PLD1: variants seen among roughly 807,000 people sequenced by gnomAD.
The protein encoded by PLD1 is phospholipase D1.
In PLD1, 112 loss-of-function variants were observed where a neutral mutation model predicts 137.1. That is an observed-to-expected ratio of 0.82 (90% CI 0.70 to 0.96). The LOEUF (loss-of-function observed/expected upper bound fraction) is 0.96. PLD1 is among the 40% of genes least tolerant of loss of function. The pLI is 0.00. For synonymous variants in PLD1, 431 were observed against 454.7 expected, an observed-to-expected ratio of 0.95 and a Z score of 0.66; for missense variants, 1,321 against 1,342.0, an observed-to-expected ratio of 0.98 and a Z score of 0.24.
chr3:171,688,975 A>G (rs1714857227), intron 13 of PLD1, 99 bp from the exon 14 acceptor site: 1 of 809,732 alleles, frequency 1.2e-6, no homozygotes, highest in Non-Finnish European at 2.1e-6. Context: ...ATTTTCTATA[A>G]TTCAAATACC....
intron 1 of PLD1, among the ~76,000 whole-genome samples, chr3:171,807,578 T>A (rs575434979): frequency 2.6e-4 from 40 of 152,098 alleles, no homozygotes; most frequent in South Asian, 6.2e-4. Context: ...AGAAAAAAAA[T>A]TTTTTAAAAA....
intron 1 of PLD1, among the ~76,000 whole-genome samples, chr3:171,790,654 G>T (rs1305673612): frequency 1.3e-5 from 2 of 152,196 alleles, no homozygotes; most frequent in African/African-American, 4.8e-5. Flanking sequence ...GCCTGCAAAG[G>T]AAGCTGGCAT....
chr3:171,750,886 A>G lies in PLD1; in HGVS notation c.-31-12804T>C, dbSNP rs76367634. Among the ~76,000 whole-genome samples, 295 of 152,310 alleles carry G rather than the reference A, an allele frequency of 1.9e-3. 1 individual carries two copies. The highest frequency in any genetic ancestry group is 6.6e-3 in the African/African-American group (274 of 41,580). ...GTAACAGAGAAATTATAATAGGTAG[A>G]TAAGACTTGCCCTATCAGGTAGATC... is the stretch of plus-strand genomic sequence containing the variant. On this transcript the variant is annotated intron_variant, in intron 1 of 26. Transcript: ENST00000351298.
intron 3 of PLD1, among the ~76,000 whole-genome samples, chr3:171,736,365 G>T (rs1443655315): frequency 3.3e-5 from 5 of 152,124 alleles, no homozygotes; most frequent in African/African-American, 1.2e-4. Flanking sequence ...AGATCACAAG[G>T]CAAAGATGAA....
intron 23 of PLD1, among the ~76,000 whole-genome samples, chr3:171,631,453 GTTTGTGTGTGTGTACA>G (rs1416350863): frequency 6.6e-6 from 1 of 152,138 alleles, no homozygotes; most frequent in Non-Finnish European, 1.5e-5. Context: ...GAGAGAATAG[GTTTGTGTGTGTGTACA>G]AAGGCCCAAA....
chr3:171,617,943 G>A (rs762024848), intron 24 of PLD1, among the ~76,000 whole-genome samples: 8 of 151,842 alleles, frequency 5.3e-5, no homozygotes, highest in East Asian at 1.9e-4. Context: ...TCTCAAACTC[G>A]TCTCTGAGAA....
chr3:171,641,510 C>A (rs1388869541), intron 23 of PLD1, among the ~76,000 whole-genome samples: 1 of 152,158 alleles, frequency 6.6e-6, no homozygotes, highest in Non-Finnish European at 1.5e-5. Context: ...GGGAGGCTAC[C>A]AGTATAAAAT....
At chr3:171,770,964 C>G (rs1376525216) in intron 1 of PLD1, among the ~76,000 whole-genome samples, 1 of 150,270 alleles carries the variant, frequency 6.7e-6, no homozygotes, top group Non-Finnish European at 1.5e-5. Flanking sequence ...ACTGCAAATC[C>G]AACACAGATA....
intron 3 of PLD1, among the ~76,000 whole-genome samples, chr3:171,736,213 T>A (rs981725666): frequency 6.6e-6 from 1 of 152,176 alleles, no homozygotes; most frequent in African/African-American, 2.4e-5. Context: ...ACTGCAGTAA[T>A]GAGTATACAG....
chr3:171,747,238 C>G (rs1005783165), intron 1 of PLD1, among the ~76,000 whole-genome samples: 2 of 152,192 alleles, frequency 1.3e-5, no homozygotes, highest in East Asian at 1.9e-4. Flanking sequence ...GAAGTCAGTG[C>G]AGACCAAGAA....
intron 1 of PLD1, among the ~76,000 whole-genome samples, chr3:171,751,770 A>G (rs1436115362): frequency 6.6e-6 from 1 of 152,186 alleles, no homozygotes; most frequent in Non-Finnish European, 1.5e-5. Flanking sequence ...GAAAGCCAAG[A>G]CAGGCGGATC....
intron 19 of PLD1, among the ~76,000 whole-genome samples, chr3:171,673,425 G>T (rs1038866582): frequency 1.3e-5 from 2 of 151,946 alleles, no homozygotes; most frequent in Middle Eastern, 6.3e-3. Flanking sequence ...AGGATTACAG[G>T]CGCACGCTAC....
chr3:171,776,524 AG>A (rs2108336701), intron 1 of PLD1, among the ~76,000 whole-genome samples: 1 of 152,330 alleles, frequency 6.6e-6, no homozygotes, highest in Non-Finnish European at 1.5e-5. Context: ...ACTTTACTTA[AG>A]CAATTGGTTT....
rs756623980 is a variant in PLD1, at chr3:171,620,457, C to T, written c.2657G>A (p.Gly886Glu). 1 of 1,597,314 alleles carries T rather than the reference C, an allele frequency of 6.3e-7. No homozygotes were observed. The highest frequency in any genetic ancestry group is 2.2e-5 in the East Asian group (1 of 44,724). Reference sequence around the variant, plus strand: ...ATAGATAAGCTCAGTTACTAGGTTTCCTTCGAGCTCTGCATGTGTTCTAAG... The same window carrying T: ...ATAGATAAGCTCAGTTACTAGGTTTTCTTCGAGCTCTGCATGTGTTCTAAG... Reference protein sequence around the residue: ...CGLRTHAELEGNLVTELIYVH... With the variant: ...CGLRTHAELEENLVTELIYVH... Residue 886 changes from glycine (G) to glutamate (E), a missense_variant, in exon 24 of 27, where the codon GGA becomes GAA. Gly to Glu is a moderately conservative substitution (Grantham distance 98). Coordinates refer to ENST00000351298, the MANE Select transcript of PLD1 (RefSeq NM_002662.5).
intron 6 of PLD1, among the ~76,000 whole-genome samples, chr3:171,731,920 A>C (rs1718977806): frequency 2.0e-5 from 3 of 152,246 alleles, no homozygotes; most frequent in Admixed American, 6.5e-5. Flanking sequence ...TATGACTGGA[A>C]AAGTCATTAA....
At chr3:171,615,193 A>T (rs2108278898) in intron 24 of PLD1, among the ~76,000 whole-genome samples, 1 of 152,352 alleles carries the variant, frequency 6.6e-6, no homozygotes, top group East Asian at 1.9e-4. Flanking sequence ...CATATGAGGA[A>T]GAAGACAGAA....
chr3:171,651,898 C>G (rs1258173573), intron 21 of PLD1, among the ~76,000 whole-genome samples: 2 of 152,120 alleles, frequency 1.3e-5, no homozygotes, highest in Non-Finnish European at 2.9e-5. Flanking sequence ...AGTGCTGGCC[C>G]CTGCCCTGTG....
At chr3:171,648,768 A>G (rs1736482299) in intron 21 of PLD1, among the ~76,000 whole-genome samples, 1 of 152,036 alleles carries the variant, frequency 6.6e-6, no homozygotes, top group Non-Finnish European at 1.5e-5. Flanking sequence ...GTTAGCCAGG[A>G]TGGTCTCGAT....
chr3:171,720,406 C>G (rs545617155), intron 8 of PLD1, among the ~76,000 whole-genome samples: 5 of 151,096 alleles, frequency 3.3e-5, no homozygotes, highest in Admixed American at 3.3e-4. Flanking sequence ...CACAGTGAAA[C>G]CCCGTCTCTA....
Sources: allele counts gnomAD v4.1 joint callset (sites outside exome capture counted in the v4.1 genomes callset), GRCh38; gene constraint gnomAD v4.1.1; transcripts MANE v1.5; gene names NCBI Gene and HGNC (gene_info 2026-07-23, HGNC 2026-07-21).